Variants in GSTA2 observed in about 807,000 individuals in gnomAD.
GSTA2 encodes glutathione S-transferase alpha 2, also known as glutathione S-transferase A2.
In GSTA2, 27 loss-of-function variants were observed where a neutral mutation model predicts 22.4. That is an observed-to-expected ratio of 1.21 (90% CI 0.89 to 1.67). The LOEUF (loss-of-function observed/expected upper bound fraction) is 1.67, where lower values mean the gene tolerates loss of function less well. Ranked by LOEUF, GSTA2 falls within the 40% of genes most tolerant of loss-of-function variation. The probability of loss-of-function intolerance (pLI) is 0.00; values close to 1 mark genes in which losing one functional copy is unlikely to be tolerated. For missense variants in GSTA2, 302 were observed against 260.2 expected, an observed-to-expected ratio of 1.16 and a Z score of -1.11; for synonymous variants, 121 against 86.8, an observed-to-expected ratio of 1.39 and a Z score of -2.19.
chr6:52,751,946 C>A (rs201236754), intron 5 of GSTA2, among the ~76,000 whole-genome samples: 1 of 152,142 alleles, frequency 6.6e-6, no homozygotes, highest in Non-Finnish European at 1.5e-5. Context: ...ATCACTGTGG[C>A]GTCTACACTA....
In GSTA2 at chr6:52,751,124, T is replaced by C. The variant is rs569681748; in HGVS notation, c.547-425A>G. ...GGGACCACCTTTTCTCAGTGAGAGA[T>C]ACATTGTCGGGGGCAGAGTGCTGGA... On this transcript the variant is annotated intron_variant, in intron 6 of 6. Coordinates refer to ENST00000493422, the MANE Select transcript of GSTA2 (RefSeq NM_000846.5). 3.7e-3 allele frequency among the ~76,000 whole-genome samples: 565 copies of C among 152,272 alleles called. 3 individuals carry two copies. The highest frequency in any genetic ancestry group is 0.013 in the African/African-American group (531 of 41,548).
At position 52,751,682 on chromosome 6, in the gene GSTA2, G is replaced by T. The variant is rs747127031; in HGVS notation, c.441C>A (p.Tyr147Ter). Residue 147 changes from tyrosine to a stop codon, truncating the protein, a stop_gained, in exon 6 of 7, where the codon TAC becomes TAA. Coordinates refer to ENST00000493422, the MANE Select transcript of GSTA2 (RefSeq NM_000846.5). LOFTEE classifies it high-confidence loss of function. ...CCCGGCTCAGCTTGTTGCCAACAAG[G>T]TAGTCTTGTCCGTGGCTCTTTAAGA... is the stretch of plus-strand genomic sequence containing the variant. ...EKVLKSHGQD[Y>*]LVGNKLSRAD... is the part of the protein sequence containing the mutation. 1 of 1,614,148 alleles carries T rather than the reference G, an allele frequency of 6.2e-7. No homozygotes were observed. The highest frequency in any genetic ancestry group is 1.1e-5 in the South Asian group (1 of 91,078).
At chr6:52,758,167 C>A (rs1451090512) in intron 1 of GSTA2, among the ~76,000 whole-genome samples, 190 bp from the exon 2 acceptor site, 1 of 152,136 alleles carries the variant, frequency 6.6e-6, no homozygotes, top group Non-Finnish European at 1.5e-5. Flanking sequence ...CCTCAGATTC[C>A]AGCAAACCAG....
At position 52,754,927 on chromosome 6, in the gene GSTA2, A is replaced by G. The variant is rs1314095004; in HGVS notation, c.272+16T>C. 1.2e-6 allele frequency: 2 copies of G among 1,612,600 alleles called. No individual in the cohort carries two copies. Among genetic ancestry groups the G allele is most frequent in the East Asian group, 2.2e-5 (1 of 44,884 alleles). ...CTATGTTCTCTGTGGATGGAAGAAC[A>G]GAAAATATACCGTACAGGGCTTTCT... On this transcript the variant is annotated intron_variant, in intron 4 of 6. Transcript: ENST00000493422.
chr6:52,751,587 G>A lies in GSTA2; in HGVS notation c.536C>T (p.Pro179Leu), dbSNP rs770599142. The part of the protein sequence containing the change: ...ELDSSLISSF[P>L]LLKALKTRIS... The stretch of plus-strand genomic sequence containing the variant: ...TGTGAAATGGGTCACCTTCAGCAGA[G>A]GGAAGCTGGAAATAAGGCTAGAGTC... Residue 179 changes from proline (P) to leucine (L), a missense_variant, in exon 6 of 7, where the codon CCT becomes CTT. Transcript: ENST00000493422. 1.2e-6 allele frequency: 2 copies of A among 1,614,052 alleles called. No homozygotes were observed. Among genetic ancestry groups the A allele is most frequent in the South Asian group, 1.1e-5 (1 of 91,078 alleles).
At chr6:52,761,856 C>T (rs1581777912) in intron 1 of GSTA2, among the ~76,000 whole-genome samples, 2 of 150,802 alleles carry the variant, frequency 1.3e-5, no homozygotes, top group East Asian at 1.9e-4. Context: ...AGAGATCAGA[C>T]TGTTACTATG....
At chr6:52,756,369 T>C (rs1581774617) in intron 2 of GSTA2, 60 bp from the exon 3 acceptor site, 2 of 1,301,110 alleles carry the variant, frequency 1.5e-6, no homozygotes, top group Non-Finnish European at 2.2e-6. Context: ...ACCTGTGAAA[T>C]TGAATGGCCT....
chr6:52,760,319 C>T (rs867935919), intron 1 of GSTA2, among the ~76,000 whole-genome samples: 2 of 152,280 alleles, frequency 1.3e-5, no homozygotes, highest in African/African-American at 2.4e-5. Context: ...TGATAATTAA[C>T]ATATCACTTC....
chr6:52,750,819 G>C (rs2127284159), intron 6 of GSTA2, 120 bp from the exon 7 acceptor site: 2 of 1,236,666 alleles, frequency 1.6e-6, no homozygotes, highest in Non-Finnish European at 1.1e-6. Context: ...CTTCCACTTG[G>C]GTGAAGGCAG....
At chr6:52,751,379 G>A (rs1300207859) in intron 6 of GSTA2, among the ~76,000 whole-genome samples, 198 bp downstream of exon 6, 2 of 152,146 alleles carry the variant, frequency 1.3e-5, no homozygotes, top group Non-Finnish European at 2.9e-5. Flanking sequence ...GGGGTAGCAT[G>A]CACTACAAAT....
intron 5 of GSTA2, 69 bp downstream of exon 5, chr6:52,752,785 A>T (rs1762766722): frequency 1.3e-6 from 2 of 1,588,336 alleles, no homozygotes; most frequent in Admixed American, 1.7e-5. Context: ...TGCCCCAGGA[A>T]TGCCCAGCCA....
At chr6:52,752,332 C>T (rs1254210410) in intron 5 of GSTA2, among the ~76,000 whole-genome samples, 1 of 152,202 alleles carries the variant, frequency 6.6e-6, no homozygotes, top group Non-Finnish European at 1.5e-5. Context: ...GCTCTGATGT[C>T]TGCAACTTAC....
rs1762723337 is a variant in GSTA2 at position 52,750,827 on chromosome 6, C to G, written c.547-128G>C. Reference sequence around the variant, plus strand: ...TGAGTCGCTTCCACTTGGGTGAAGGCAGAAACAGACACCCAGTGAGAAAGG... The same window carrying G: ...TGAGTCGCTTCCACTTGGGTGAAGGGAGAAACAGACACCCAGTGAGAAAGG... On this transcript the variant is annotated intron_variant, in intron 6 of 6. Transcript: ENST00000493422. 34 of 1,043,934 alleles carry G rather than the reference C, an allele frequency of 3.3e-5. No homozygotes were observed. The South Asian group carries it at 5.4e-4, about 17-fold the overall frequency. 64.7% of individuals were successfully genotyped at this position (1,043,934 alleles called of 1,614,324 possible). A position where few individuals can be genotyped will look rare whatever the true frequency, so the allele number is the denominator to read the frequency against.
intron 1 of GSTA2, among the ~76,000 whole-genome samples, chr6:52,761,179 A>G (rs1043620935): frequency 6.6e-6 from 1 of 152,176 alleles, no homozygotes; most frequent in African/African-American, 2.4e-5. Context: ...TGTAGAAAAA[A>G]ATCATAGTAG....
rs1309043895 is a variant in GSTA2 at position 52,751,656 on chromosome 6, G to C, written c.467C>G (p.Ala156Gly). 2 of 1,614,054 alleles carry C rather than the reference G, an allele frequency of 1.2e-6. No homozygotes were observed. Among genetic ancestry groups the C allele is most frequent in the Non-Finnish European group, 8.5e-7 (1 of 1,180,022 alleles). Residue 156 changes from alanine (A) to glycine (G), a missense_variant, in exon 6 of 7, where the codon GCT becomes GGT. Transcript: ENST00000493422. ...GAGAAGTTCCACCAGGTGAATGTCAGCCCGGCTCAGCTTGTTGCCAACAAG... is the reference window on the plus strand; with the variant it reads ...GAGAAGTTCCACCAGGTGAATGTCACCCCGGCTCAGCTTGTTGCCAACAAG... ...DYLVGNKLSR[A>G]DIHLVELLYY...
chr6:52,754,810 T>C, intron 4 of GSTA2, 133 bp downstream of exon 4: 1 of 1,150,006 alleles, frequency 8.7e-7, no homozygotes, highest in Non-Finnish European at 1.3e-6. Context: ...TCTGCAATAC[T>C]GGACCTCAGC....
intron 1 of GSTA2, among the ~76,000 whole-genome samples, chr6:52,760,921 C>G (rs1762940286): frequency 6.6e-6 from 1 of 151,968 alleles, no homozygotes; most frequent in Admixed American, 6.6e-5. Flanking sequence ...AAAAAATGGG[C>G]TTGTTTTGAA....
Position 52,757,922 on chromosome 6 carries a change from T to G in GSTA2, c.26A>C (p.Tyr9Ser), listed in dbSNP as rs1229536309. The G allele has an allele frequency of 6.2e-7, 1 of 1,613,564 alleles. No homozygotes were observed. Among genetic ancestry groups the G allele is most frequent in the East Asian group, 2.2e-5 (1 of 44,876 alleles). ...CTCCATTCTGCCCCGTATATTGGAG[T>G]AGTGGAGCTTGGGCTTCTCTGCCAT... MAEKPKLH[Y>S]SNIRGRMESI... Residue 9 changes from tyrosine to serine, a missense_variant, in exon 2 of 7, where the codon TAC becomes TCC. Transcript: ENST00000493422.
chr6:52,756,038 G>T (rs73740532), intron 3 of GSTA2, among the ~76,000 whole-genome samples: 2,694 of 152,220 alleles, frequency 0.018, 86 homozygotes, highest in African/African-American at 0.06. Context: ...GTGGGAGATT[G>T]TTCCTCTAGC....
Sources: gnomAD v4.1 joint callset for allele counts (sites outside exome capture counted in the v4.1 genomes callset) on GRCh38, gnomAD v4.1.1 for gene constraint, MANE v1.5 for transcripts, NCBI Gene and HGNC (gene_info 2026-07-23, HGNC 2026-07-21) for gene names.